Variants in TECPR2 observed in about 807,000 individuals in gnomAD.
TECPR2 encodes the protein tectonin beta-propeller repeat containing 2.
A neutral mutation model predicts 138.1 loss-of-function variants in TECPR2; 65 were observed. That is an observed-to-expected ratio of 0.47 (90% CI 0.39 to 0.58). The LOEUF (loss-of-function observed/expected upper bound fraction) is 0.58, where lower values mean the gene tolerates loss of function less well. Ranked by LOEUF, TECPR2 falls within the 20% of genes least tolerant of loss-of-function variation. The pLI, the probability that TECPR2 is intolerant of heterozygous loss-of-function variation, is 0.00. For missense variants in TECPR2, 1,553 were observed against 1,824.5 expected (o/e 0.85, Z 2.71); for synonymous variants, 746 against 749.8 (o/e 0.99, Z 0.08).
chr14:102,480,211 G>GTTT (rs781152101), intron 17 of TECPR2, among the ~76,000 whole-genome samples: 1 of 71,368 alleles, frequency 1.4e-5, no homozygotes. Context: ...ATCTTGGTTG[G>GTTT]TTTTTTTTTT....
chr14:102,487,845 TG>T lies in TECPR2; in HGVS notation c.3790-9133del, dbSNP rs1891067327. Among the ~76,000 whole-genome samples the T allele has an allele frequency of 4.3e-5, 6 of 138,996 alleles. No homozygotes were observed. In the Admixed American group the frequency reaches 4.3e-4, roughly 10 times the overall value. The allele number at this position is 138,996 out of a possible 152,430, so 91.2% of individuals were successfully genotyped here. ...CGTGAGCCACCACGCCCGGCCTGTT[TG>T]TTTTTTTTTTTTGATACGGAGTTTC... On this transcript the variant is annotated intron_variant, in intron 17 of 19. Coordinates refer to ENST00000359520, the MANE Select transcript of TECPR2 (RefSeq NM_014844.5).
intron 2 of TECPR2, 77 bp from the exon 3 acceptor site, chr14:102,407,261 T>G: frequency 6.0e-6 from 9 of 1,504,204 alleles, no homozygotes; most frequent in Non-Finnish European, 8.0e-6. Context: ...TTTTCACTCC[T>G]TTAGTAATGT....
Position 102,434,706 on chromosome 14 carries a change from TCC to T in TECPR2, c.1890_1891del (p.Gln631ThrfsTer10). The T allele has an allele frequency of 6.2e-7, 1 of 1,613,658 alleles. No homozygotes were observed. The highest frequency in any genetic ancestry group is 8.5e-7 in the Non-Finnish European group (1 of 1,179,950). On this transcript the variant is annotated frameshift_variant, in exon 9 of 20. Transcript: ENST00000359520. LOFTEE classifies it high-confidence loss of function. The stretch of plus-strand genomic sequence containing the variant: ...CCTGGGGCGCATGATGGGGAAGACA[TCC>T]AACCCATTGGCCCCCAAAGCACTTT...
intron 2 of TECPR2, among the ~76,000 whole-genome samples, chr14:102,386,120 C>T (rs1887994570): frequency 6.6e-6 from 1 of 151,978 alleles, no homozygotes. Context: ...TTTGAGCGCC[C>T]ATTATATATA....
At chr14:102,466,207 C>T (rs1370931689) in intron 17 of TECPR2, among the ~76,000 whole-genome samples, 1 of 152,104 alleles carries the variant, frequency 6.6e-6, no homozygotes, top group Non-Finnish European at 1.5e-5. Context: ...GTGGGAGAAC[C>T]TTTACTGAAA....
intron 2 of TECPR2, among the ~76,000 whole-genome samples, chr14:102,378,372 A>G (rs1216232081): frequency 6.6e-6 from 1 of 152,198 alleles, no homozygotes; most frequent in Non-Finnish European, 1.5e-5. Flanking sequence ...GTCAGACATT[A>G]TTCTTTAAAA....
intron 17 of TECPR2, among the ~76,000 whole-genome samples, chr14:102,490,709 G>C (rs1159763850): frequency 6.6e-6 from 1 of 152,122 alleles, no homozygotes; most frequent in East Asian, 1.9e-4. Context: ...GGCGCCATGG[G>C]CTCCTCCTCC....
intron 19 of TECPR2, 87 bp from the exon 20 acceptor site, chr14:102,498,016 G>T: frequency 3.6e-6 from 3 of 823,774 alleles, no homozygotes; most frequent in Admixed American, 2.7e-5. Flanking sequence ...GGCAAGCCCA[G>T]ACCTGCGCCC....
chr14:102,375,092 A>G (rs188540598), intron 1 of TECPR2, among the ~76,000 whole-genome samples: 52 of 152,138 alleles, frequency 3.4e-4, no homozygotes, highest in African/African-American at 1.1e-3. Context: ...GGAGGCTGAG[A>G]TGGGAGGATC....
chr14:102,398,828 C>T (rs986661827), intron 2 of TECPR2, among the ~76,000 whole-genome samples: 2 of 152,174 alleles, frequency 1.3e-5, no homozygotes, highest in Admixed American at 6.6e-5. Flanking sequence ...GCACTCCAGC[C>T]TGGCCTACCG....
At chr14:102,404,494 G>A (rs1019466338) in intron 2 of TECPR2, among the ~76,000 whole-genome samples, 1 of 151,898 alleles carries the variant, frequency 6.6e-6, no homozygotes, top group African/African-American at 2.4e-5. Context: ...AGAAAAAGAA[G>A]AGAACAGCAT....
At chr14:102,392,334 T>G (rs1371465618) in intron 2 of TECPR2, among the ~76,000 whole-genome samples, 1 of 152,172 alleles carries the variant, frequency 6.6e-6, no homozygotes, top group Non-Finnish European at 1.5e-5. Context: ...ATGTTCTCTC[T>G]TCTATGTCTC....
At chr14:102,431,498 A>G (rs555246537) in intron 7 of TECPR2, among the ~76,000 whole-genome samples, 14 of 151,884 alleles carry the variant, frequency 9.2e-5, no homozygotes, top group South Asian at 4.2e-4. Flanking sequence ...GCCCGCCACC[A>G]TGCCCGGCTA....
chr14:102,465,634 G>A (rs1890537391), intron 17 of TECPR2: 1 of 993,374 alleles, frequency 1.0e-6, no homozygotes, highest in Non-Finnish European at 1.2e-6. Context: ...TAATAAATCA[G>A]TACCCAGAAG....
intron 16 of TECPR2, among the ~76,000 whole-genome samples, chr14:102,459,493 T>C (rs1439160237): frequency 6.6e-6 from 1 of 152,164 alleles, no homozygotes; most frequent in Admixed American, 6.5e-5. Context: ...TTATAAAAAC[T>C]TGTCGGCCAG....
At chr14:102,493,827 A>G (rs1885708) in intron 17 of TECPR2, among the ~76,000 whole-genome samples, 107,551 of 152,088 alleles carry the variant, frequency 0.71, 38,786 homozygotes, top group African/African-American at 0.85. Context: ...GGTGCATCTG[A>G]GGTTCTGCGT....
At position 102,376,828 on chromosome 14, in the gene TECPR2, T is replaced by C. The variant is rs1372099117; in HGVS notation, c.107T>C (p.Val36Ala). 1 of 1,614,200 alleles carries C rather than the reference T, an allele frequency of 6.2e-7. No homozygotes were observed. Residue 36 changes from valine to alanine, a missense_variant, in exon 2 of 20, where the codon GTC becomes GCC. Val to Ala is a moderately conservative substitution (Grantham distance 64, BLOSUM62 0). Transcript: ENST00000359520. ...KIQKGFRSIV[V>A]YLTALDTNGD... ...CAGAAGGGTTTCCGCTCTATCGTGG[T>C]CTATCTCACGGCCCTCGACACCAAC...
At chr14:102,378,141 A>G (rs1277930432) in intron 2 of TECPR2, among the ~76,000 whole-genome samples, 1 of 152,192 alleles carries the variant, frequency 6.6e-6, no homozygotes, top group South Asian at 2.1e-4. Context: ...AAGTTGACTG[A>G]GTTGTGGCTT....
intron 2 of TECPR2, among the ~76,000 whole-genome samples, chr14:102,385,884 C>T (rs991869534): frequency 1.3e-5 from 2 of 150,312 alleles, no homozygotes; most frequent in Non-Finnish European, 3.0e-5. Flanking sequence ...CGTAGTGAGC[C>T]GAGATCGAGC....
Sources: allele counts gnomAD v4.1 joint callset (sites outside exome capture counted in the v4.1 genomes callset), GRCh38; gene constraint gnomAD v4.1.1; transcripts MANE v1.5; gene names NCBI Gene and HGNC (gene_info 2026-07-23, HGNC 2026-07-21).